The following KDELR3 variants were observed in gnomAD, a reference collection of about 807,000 sequenced individuals.
KDELR3 encodes ER lumen protein-retaining receptor 3.
In KDELR3, 26 loss-of-function variants were observed where a neutral mutation model predicts 22.7. The observed-to-expected ratio is 1.15, with a 90% CI of 0.84 to 1.59. The LOEUF (loss-of-function observed/expected upper bound fraction) is 1.59, where lower values mean the gene tolerates loss of function less well. Ranked by LOEUF, KDELR3 falls within the 40% of genes most tolerant of loss-of-function variation. The pLI is 0.00. For missense variants in KDELR3, 289 were observed against 251.1 expected, an observed-to-expected ratio of 1.15 and a Z score of -1.02; for synonymous variants, 120 against 98.2, an observed-to-expected ratio of 1.22 and a Z score of -1.31.
chr22:38,478,443 G>A, intron 2 of KDELR3, among the ~76,000 whole-genome samples: 1 of 147,694 alleles, frequency 6.8e-6, no homozygotes, highest in East Asian at 2.1e-4. Context: ...GCTGAGGCAG[G>A]AGAATCACTT....
rs6001132 is a variant in KDELR3 at position 38,472,340 on chromosome 22, G to A, written c.92-2183G>A. 1.7e-3 allele frequency among the ~76,000 whole-genome samples: 253 copies of A among 152,110 alleles called. 6 individuals are homozygous for A. The East Asian group carries it at 0.045, about 27-fold the overall frequency. On this transcript the variant is annotated intron_variant, in intron 1 of 4. Coordinates refer to ENST00000216014, the MANE Select transcript of KDELR3 (RefSeq NM_006855.4). ...AAAAACACAAAAATTAGCCGGGCAT[G>A]ATGGTGGGCGCCTGTAATCCCAGCC... is the stretch of plus-strand genomic sequence containing the variant.
chr22:38,477,458 C>T (rs570277032), intron 2 of KDELR3, among the ~76,000 whole-genome samples: 1 of 152,326 alleles, frequency 6.6e-6, no homozygotes, highest in South Asian at 2.1e-4. Context: ...CCTCCTCGGC[C>T]TCCCAAAGTG....
chr22:38,468,255 G>A lies in KDELR3; in HGVS notation c.22G>A (p.Gly8Ser), dbSNP rs143439974. Residue 8 changes from glycine to serine, a missense_variant, in exon 1 of 5, where the codon GGC becomes AGC. Transcript: ENST00000216014. MNVFRIL[G>S]DLSHLLAMIL... is the part of the protein sequence containing the mutation. ...GACCATGAACGTGTTCCGAATCCTC[G>A]GCGACCTGAGCCACCTCCTGGCCAT... The A allele has an allele frequency of 2.5e-6, 4 of 1,613,700 alleles. No individual in the cohort carries two copies. Among genetic ancestry groups the A allele is most frequent in the African/African-American group, 2.7e-5 (2 of 74,910 alleles).
At position 38,482,523 on chromosome 22, in the gene KDELR3, C is replaced by T. The variant is rs1240534159; in HGVS notation, c.632C>T (p.Pro211Leu). The stretch of plus-strand genomic sequence containing the variant: ...CTTAAGGGAAAGAAGTTAAGTCTTC[C>T]AATGCCAATCTGAGGACCTTCAGAG... ...KVLKGKKLSL[P>L]MPI The change falls in exon 5 of 5, where the codon CCA (proline) becomes CTA (leucine). Residue 211 changes from proline to leucine, a missense_variant. Physicochemically the swap from Pro to Leu is moderately conservative, Grantham distance 98. Coordinates refer to ENST00000216014, the MANE Select transcript of KDELR3 (RefSeq NM_006855.4). 7 of 1,612,638 alleles carry T rather than the reference C, an allele frequency of 4.3e-6. No homozygotes were observed. The highest frequency in any genetic ancestry group is 5.9e-6 in the Non-Finnish European group (7 of 1,178,664).
chr22:38,478,141 A>G (rs751791272), intron 2 of KDELR3, among the ~76,000 whole-genome samples: 1 of 152,090 alleles, frequency 6.6e-6, no homozygotes, highest in Non-Finnish European at 1.5e-5. Flanking sequence ...GTAGTGAAAA[A>G]AAGACTGCTT....
chr22:38,468,212 C>A lies in KDELR3; in HGVS notation c.-22C>A. 6.2e-7 allele frequency: 1 copy of A among 1,610,524 alleles called. No homozygotes were observed. Among genetic ancestry groups the A allele is most frequent in the Non-Finnish European group, 8.5e-7 (1 of 1,177,078 alleles). On this transcript the variant is annotated 5_prime_UTR_variant, in exon 1 of 5. Coordinates refer to ENST00000216014, the MANE Select transcript of KDELR3 (RefSeq NM_006855.4). ...TTCCTAGAAGTTTGCTGGGCGCGGG[C>A]GCACGACTGACTGGCTGGACCATGA... is the stretch of plus-strand genomic sequence containing the variant.
intron 1 of KDELR3, 88 bp from the exon 2 acceptor site, chr22:38,474,435 C>A: frequency 9.5e-7 from 1 of 1,052,910 alleles, no homozygotes; most frequent in Non-Finnish European, 1.5e-6. Flanking sequence ...CTCTAGAGGC[C>A]TCCCCAGCTC....
chr22:38,468,363 C>T (rs1362964859), intron 1 of KDELR3, 39 bp downstream of exon 1: 2 of 1,590,974 alleles, frequency 1.3e-6, no homozygotes, highest in Admixed American at 1.7e-5. Context: ...GACCCCCTCT[C>T]TGGCCAGCCT....
At position 38,481,230 on chromosome 22, in the gene KDELR3, A is replaced by G. The variant is rs754884067; in HGVS notation, c.370A>G (p.Ile124Val). Reference sequence around the variant, plus strand: ...GGCTCAGATCCTCTGGACTTTCTCTATCTATCTGGAATCAGTGGCTATCCT... The same window carrying G: ...GGCTCAGATCCTCTGGACTTTCTCTGTCTATCTGGAATCAGTGGCTATCCT... ...TLLEILWTFS[I>V]YLESVAILPQ... The change falls in exon 4 of 5, where the codon ATC becomes GTC. Residue 124 changes from isoleucine (I) to valine (V), a missense_variant. By Grantham distance (29) the Ile-to-Val change is conservative. Coordinates refer to ENST00000216014, the MANE Select transcript of KDELR3 (RefSeq NM_006855.4). 6.2e-6 allele frequency: 10 copies of G among 1,613,240 alleles called. No individual in the cohort carries two copies. The East Asian group carries it at 8.9e-5, about 14-fold the overall frequency.
rs768561830 is a variant in KDELR3, at chr22:38,482,551, A to C, written c.*15A>C. 10 of 1,604,074 alleles carry C rather than the reference A, an allele frequency of 6.2e-6. No homozygotes were observed. In the Admixed American group the frequency reaches 1.0e-4, roughly 16 times the overall value. ...TGCCAATCTGAGGACCTTCAGAGAC[A>C]GTCTACGCCTTAACAAGCACATGAA... On this transcript the variant is annotated 3_prime_UTR_variant, in exon 5 of 5. Coordinates refer to ENST00000216014, the MANE Select transcript of KDELR3 (RefSeq NM_006855.4).
At chr22:38,479,540 AGGCC>A in intron 2 of KDELR3, 49 bp from the exon 3 acceptor site, 1 of 1,533,492 alleles carries the variant, frequency 6.5e-7, no homozygotes. Context: ...CGTAGTAAAT[AGGCC>A]GGGAAATGAC....
At chr22:38,471,244 A>G (rs1235478806) in intron 1 of KDELR3, among the ~76,000 whole-genome samples, 1 of 152,198 alleles carries the variant, frequency 6.6e-6, no homozygotes, top group Non-Finnish European at 1.5e-5. Flanking sequence ...GCTGAGGATG[A>G]AGAGAAAAGA....
chr22:38,472,792 T>G (rs1470174485), intron 1 of KDELR3, among the ~76,000 whole-genome samples: 1 of 152,114 alleles, frequency 6.6e-6, no homozygotes, highest in Non-Finnish European at 1.5e-5. Context: ...CTCCACCTCC[T>G]GGGTTCAAGC....
In KDELR3 at chr22:38,476,680, A is replaced by G. The variant is rs557020859; in HGVS notation, c.192+2057A>G. The stretch of plus-strand genomic sequence containing the variant: ...GCTGGGATTACAGGCACCCACCACC[A>G]CGCCCGGCTACTTTTTGTATTTTTT... On this transcript the variant is annotated intron_variant, in intron 2 of 4. Transcript: ENST00000216014. Among the ~76,000 whole-genome samples the G allele has an allele frequency of 2.0e-3, 296 of 150,806 alleles. 1 individual carries two copies. Among genetic ancestry groups the G allele is most frequent in the Middle Eastern group, 3.5e-3 (1 of 286 alleles).
At chr22:38,478,274 G>A (rs746300550) in intron 2 of KDELR3, among the ~76,000 whole-genome samples, 13 of 152,060 alleles carry the variant, frequency 8.5e-5, no homozygotes, top group Non-Finnish European at 1.8e-4. Context: ...GGCTGGGCTC[G>A]GTGGCTCATG....
chr22:38,480,752 C>T (rs1031032720), intron 3 of KDELR3, among the ~76,000 whole-genome samples: 1 of 151,122 alleles, frequency 6.6e-6, no homozygotes, highest in Non-Finnish European at 1.5e-5. Context: ...GACTCCATCT[C>T]AAAAAAATAA....
chr22:38,479,493 G>C, intron 2 of KDELR3, 100 bp from the exon 3 acceptor site: 9 of 1,101,956 alleles, frequency 8.2e-6, no homozygotes, highest in African/African-American at 1.6e-5. Context: ...GTTACATTAT[G>C]GCAGAACACT....
Position 38,481,424 on chromosome 22 carries a change from C to T in KDELR3, c.564C>T (p.Thr188=). Reference sequence around the variant, plus strand: ...CAGTCGTGTCTGGAGTAGTACAAACCATCTTCTACTGTGACTTCTTCTACT... The same window carrying T: ...CAGTCGTGTCTGGAGTAGTACAAACTATCTTCTACTGTGACTTCTTCTACT... The part of the protein sequence containing the change: ...QIAVVSGVVQ[T]IFYCDFFYLY... The change falls in exon 4 of 5, where the codon ACC becomes ACT. Residue 188 remains threonine (T), a synonymous_variant. Coordinates refer to ENST00000216014, the MANE Select transcript of KDELR3 (RefSeq NM_006855.4). 2 of 1,614,098 alleles carry T rather than the reference C, an allele frequency of 1.2e-6. No homozygotes were observed. The highest frequency in any genetic ancestry group is 1.7e-6 in the Non-Finnish European group (2 of 1,179,988).
At position 38,468,374 on chromosome 22, in the gene KDELR3, C is replaced by T. The variant is rs751668802; in HGVS notation, c.91+50C>T. Reference sequence around the variant, plus strand: ...GCGGGACCCCCTCTCTGGCCAGCCTCATGCCCCTGCGTGCAGGGCAGGGCG... The same window carrying T: ...GCGGGACCCCCTCTCTGGCCAGCCTTATGCCCCTGCGTGCAGGGCAGGGCG... On this transcript the variant is annotated intron_variant, in intron 1 of 4. Coordinates refer to ENST00000216014, the MANE Select transcript of KDELR3 (RefSeq NM_006855.4). 5.8e-6 allele frequency: 9 copies of T among 1,564,612 alleles called. No homozygotes were observed. The Admixed American group carries it at 8.4e-5, about 15-fold the overall frequency.
Sources: allele counts gnomAD v4.1 joint callset (sites outside exome capture counted in the v4.1 genomes callset), GRCh38; gene constraint gnomAD v4.1.1; transcripts MANE v1.5; gene names NCBI Gene and HGNC (gene_info 2026-07-23, HGNC 2026-07-21).